BCHE: variants seen among roughly 807,000 people sequenced by gnomAD.
The protein encoded by BCHE is cholinesterase.
BCHE carries 48 observed loss-of-function variants against 51.3 expected under a neutral mutation model. The ratio of observed to expected loss-of-function variants is 0.94; its 90% confidence interval spans 0.74 to 1.19. The LOEUF (loss-of-function observed/expected upper bound fraction) is 1.19, where lower values mean the gene tolerates loss of function less well. BCHE is among the 50% of genes most tolerant of loss of function. BCHE has a pLI of 0.00. For synonymous variants in BCHE, 251 were observed against 238.0 expected, an observed-to-expected ratio of 1.05 and a Z score of -0.50; for missense variants, 847 against 708.2, an observed-to-expected ratio of 1.20 and a Z score of -2.23.
chr3:165,804,438 A>G (rs1349715694), intron 2 of BCHE, among the ~76,000 whole-genome samples: 1 of 152,198 alleles, frequency 6.6e-6, no homozygotes, highest in Non-Finnish European at 1.5e-5. Context: ...TTTTAAAAAA[A>G]GAAGAAAAAT....
At chr3:165,824,540 G>A (rs2108230786) in intron 2 of BCHE, among the ~76,000 whole-genome samples, 1 of 152,034 alleles carries the variant, frequency 6.6e-6, no homozygotes, top group Middle Eastern at 3.4e-3. Context: ...CAATCCTAGA[G>A]AATGCAATAA....
chr3:165,823,304 A>T (rs1714597716), intron 2 of BCHE, among the ~76,000 whole-genome samples: 2 of 152,118 alleles, frequency 1.3e-5, no homozygotes, highest in South Asian at 2.1e-4. Flanking sequence ...AGTTTTATAT[A>T]ACTGAATGAG....
intron 2 of BCHE, among the ~76,000 whole-genome samples, chr3:165,798,545 A>G (rs1326155200): frequency 6.6e-6 from 1 of 152,212 alleles, no homozygotes; most frequent in Non-Finnish European, 1.5e-5. Context: ...AGATTGTCCA[A>G]TATCACACAA....
chr3:165,834,651 A>C (rs1219180871), intron 1 of BCHE, among the ~76,000 whole-genome samples: 1 of 151,980 alleles, frequency 6.6e-6, no homozygotes, highest in Non-Finnish European at 1.5e-5. Flanking sequence ...GACTTTAAAA[A>C]TTTTGATATG....
chr3:165,776,058 T>C (rs545009884), intron 3 of BCHE, among the ~76,000 whole-genome samples: 1 of 151,914 alleles, frequency 6.6e-6, no homozygotes, highest in African/African-American at 2.4e-5. Context: ...TTAAAAACCA[T>C]GTAACTTAAG....
chr3:165,788,940 A>T (rs1331175068), intron 2 of BCHE, among the ~76,000 whole-genome samples: 1 of 152,186 alleles, frequency 6.6e-6, no homozygotes, highest in Admixed American at 6.5e-5. Flanking sequence ...ATCTCCAAAG[A>T]CTTACAAAAT....
intron 2 of BCHE, among the ~76,000 whole-genome samples, chr3:165,797,446 G>A (rs1273008284): frequency 2.1e-5 from 3 of 145,506 alleles, no homozygotes; most frequent in Admixed American, 7.0e-5. Flanking sequence ...ATTTCCAAAT[G>A]TGAAGATGCA....
chr3:165,787,130 T>G (rs1440743287), intron 2 of BCHE, among the ~76,000 whole-genome samples: 1 of 151,838 alleles, frequency 6.6e-6, no homozygotes, highest in Admixed American at 6.6e-5. Context: ...CTTTTTATGA[T>G]ATTTCCCATG....
At chr3:165,808,795 G>A (rs1344941375) in intron 2 of BCHE, among the ~76,000 whole-genome samples, 1 of 151,720 alleles carries the variant, frequency 6.6e-6, no homozygotes, top group Non-Finnish European at 1.5e-5. Context: ...ACTATACTGT[G>A]GTTACTTTAT....
At chr3:165,809,460 T>C (rs899230437) in intron 2 of BCHE, among the ~76,000 whole-genome samples, 1 of 152,166 alleles carries the variant, frequency 6.6e-6, no homozygotes, top group African/African-American at 2.4e-5. Flanking sequence ...TTTAATGTTT[T>C]TATTATGCAC....
Position 165,830,423 on chromosome 3 carries a change from T to C in BCHE, c.611A>G (p.Gln204Arg), listed in dbSNP as rs1351308476. ...MGLFDQQLAL[Q>R]WVQKNIAAFG... ...GGCTGCTATATTTTTTTGAACCCAC[T>C]GAAGAGCCAACTGTTGATCAAATAA... is the stretch of plus-strand genomic sequence containing the variant. Residue 204 changes from glutamine to arginine, a missense_variant, in exon 2 of 4, where the codon CAG becomes CGG. Physicochemically the swap from Gln to Arg is conservative, Grantham distance 43. Coordinates refer to ENST00000264381, the MANE Select transcript of BCHE (RefSeq NM_000055.4). 1.9e-6 allele frequency: 3 copies of C among 1,613,794 alleles called. No homozygotes were observed. Among genetic ancestry groups the C allele is most frequent in the Non-Finnish European group, 2.5e-6 (3 of 1,179,918 alleles).
chr3:165,811,496 A>G (rs1714092795), intron 2 of BCHE, among the ~76,000 whole-genome samples: 1 of 152,052 alleles, frequency 6.6e-6, no homozygotes, highest in African/African-American at 2.4e-5. Flanking sequence ...TTTTAAACAT[A>G]AGGGAGGTTT....
chr3:165,804,403 G>T (rs984228143), intron 2 of BCHE, among the ~76,000 whole-genome samples: 1 of 151,990 alleles, frequency 6.6e-6, no homozygotes, highest in Non-Finnish European at 1.5e-5. Context: ...AAAACTACAT[G>T]AATAAATGGA....
intron 2 of BCHE, among the ~76,000 whole-genome samples, chr3:165,819,935 AT>A (rs1714450033): frequency 6.6e-6 from 1 of 152,168 alleles, no homozygotes; most frequent in Non-Finnish European, 1.5e-5. Flanking sequence ...TTCTAAAAAA[AT>A]GATTTATTAA....
intron 3 of BCHE, among the ~76,000 whole-genome samples, chr3:165,781,548 A>G (rs1203972147): frequency 6.6e-6 from 1 of 152,092 alleles, no homozygotes; most frequent in African/African-American, 2.4e-5. Flanking sequence ...CAATGAGAAC[A>G]CATGGACACA....
intron 2 of BCHE, among the ~76,000 whole-genome samples, 167 bp downstream of exon 2, chr3:165,829,350 G>A (rs1237220068): frequency 6.6e-6 from 1 of 152,040 alleles, no homozygotes; most frequent in Non-Finnish European, 1.5e-5. Context: ...GACACAGGGA[G>A]TTGAAATGCA....
chr3:165,804,423 T>C (rs895251777), intron 2 of BCHE, among the ~76,000 whole-genome samples: 2 of 152,092 alleles, frequency 1.3e-5, no homozygotes, highest in African/African-American at 4.8e-5. Context: ...AGGGCAAAGA[T>C]GATTTTTTAA....
At position 165,829,521 on chromosome 3, in the gene BCHE, A is replaced by G. The variant is rs1714861864; in HGVS notation, c.1513T>C (p.Tyr505His). The change falls in exon 2 of 4, where the codon TAT (tyrosine) becomes CAT (histidine). Residue 505 changes from tyrosine (Y) to histidine (H), a missense_variant. Transcript: ENST00000264381. ...ATGACAAAAATCAGCACTTACCCAT[A>G]TTTTGCAAAATTTGCCCACCGTTTC... ...IVKRWANFAK[Y>H]GNPNETQNNS... is the part of the protein sequence containing the mutation. 2 of 1,612,954 alleles carry G rather than the reference A, an allele frequency of 1.2e-6. No homozygotes were observed. Among genetic ancestry groups the G allele is most frequent in the South Asian group, 2.2e-5 (2 of 91,070 alleles).
chr3:165,787,401 T>C (rs558603905), intron 2 of BCHE, among the ~76,000 whole-genome samples: 272 of 151,860 alleles, frequency 1.8e-3, no homozygotes, highest in African/African-American at 6.2e-3. Flanking sequence ...AAAGTTTTCC[T>C]CAGGGAATTT....
Sources: gnomAD v4.1 joint callset for allele counts (sites outside exome capture counted in the v4.1 genomes callset) on GRCh38, gnomAD v4.1.1 for gene constraint, MANE v1.5 for transcripts, NCBI Gene and HGNC (gene_info 2026-07-23, HGNC 2026-07-21) for gene names.